Variants in ARHGAP24 observed in about 807,000 individuals in gnomAD.
The protein encoded by ARHGAP24 is rho GTPase-activating protein 24.
ARHGAP24 carries 50 observed loss-of-function variants against 76.4 expected under a neutral mutation model. The observed-to-expected ratio is 0.65, with a 90% CI of 0.52 to 0.83. ARHGAP24 has a LOEUF of 0.83. ARHGAP24 is among the 40% of genes least tolerant of loss of function. The pLI is 0.00. For missense variants in ARHGAP24, 930 were observed against 914.2 expected (o/e 1.02, Z -0.22); for synonymous variants, 345 against 323.3 (o/e 1.07, Z -0.72).
chr4:85,973,830 A>ATTTTTTTTT (rs1578452367), intron 6 of ARHGAP24, among the ~76,000 whole-genome samples: 1 of 36,966 alleles, frequency 2.7e-5, no homozygotes. Flanking sequence ...ACTGCTGCCT[A>ATTTTTTTTT]TTGTTTTTTT....
intron 1 of ARHGAP24, among the ~76,000 whole-genome samples, chr4:85,510,571 T>A (rs1342294902): frequency 6.9e-6 from 1 of 144,108 alleles, no homozygotes; most frequent in Non-Finnish European, 1.5e-5. Flanking sequence ...TCTTTCCTTC[T>A]CCTTCTTCCC....
intron 2 of ARHGAP24, among the ~76,000 whole-genome samples, chr4:85,710,005 GA>G (rs200769655): frequency 0.022 from 3,384 of 152,036 alleles, 51 homozygotes; most frequent in South Asian, 0.057. Flanking sequence ...CTCTGAACTA[GA>G]AAAAAACTAT....
intron 1 of ARHGAP24, among the ~76,000 whole-genome samples, chr4:85,563,303 C>A (rs992788384): frequency 6.6e-6 from 1 of 152,128 alleles, no homozygotes; most frequent in Admixed American, 6.5e-5. Context: ...GTGGCTTAAA[C>A]AACAGAAGTT....
At chr4:85,927,054 G>C (rs568671142) in intron 4 of ARHGAP24, among the ~76,000 whole-genome samples, 1 of 151,738 alleles carries the variant, frequency 6.6e-6, no homozygotes, top group East Asian at 1.9e-4. Context: ...TGATACCATC[G>C]AGCAATTAGA....
chr4:85,737,173 C>A (rs1560608911), intron 3 of ARHGAP24, among the ~76,000 whole-genome samples: 1 of 152,114 alleles, frequency 6.6e-6, no homozygotes, highest in Non-Finnish European at 1.5e-5. Context: ...CCTTCCTTCT[C>A]TAAATGCTGG....
intron 9 of ARHGAP24, among the ~76,000 whole-genome samples, chr4:85,997,936 C>T (rs571517333): frequency 3.4e-4 from 52 of 152,210 alleles, no homozygotes; most frequent in African/African-American, 1.2e-3. Flanking sequence ...GGGTTACAGG[C>T]ATAAGCCATG....
intron 1 of ARHGAP24, among the ~76,000 whole-genome samples, chr4:85,518,152 T>C (rs1724587427): frequency 6.6e-6 from 1 of 152,122 alleles, no homozygotes; most frequent in South Asian, 2.1e-4. Context: ...TGACATTCAG[T>C]ATATCATGAG....
intron 2 of ARHGAP24, among the ~76,000 whole-genome samples, chr4:85,671,836 A>G (rs1192370755): frequency 6.6e-6 from 1 of 152,200 alleles, no homozygotes; most frequent in Non-Finnish European, 1.5e-5. Flanking sequence ...CTACAAATGT[A>G]CTATTGGACA....
chr4:85,988,638 A>T (rs1464492760), intron 8 of ARHGAP24, among the ~76,000 whole-genome samples: 2 of 151,654 alleles, frequency 1.3e-5, no homozygotes, highest in Non-Finnish European at 3.0e-5. Flanking sequence ...GACATAAAAA[A>T]ATAAAAGAGG....
chr4:85,880,519 TTG>T (rs58530817), intron 3 of ARHGAP24, among the ~76,000 whole-genome samples: 4,132 of 150,708 alleles, frequency 0.027, 79 homozygotes, highest in Middle Eastern at 0.038. Flanking sequence ...TGCATAACTT[TTG>T]TGTGTGTGTG....
At chr4:85,648,295 T>C (rs1721803154) in intron 2 of ARHGAP24, among the ~76,000 whole-genome samples, 1 of 152,134 alleles carries the variant, frequency 6.6e-6, no homozygotes, top group African/African-American at 2.4e-5. Context: ...TACTCTAACA[T>C]CTTACTGAAT....
At chr4:85,828,861 G>A (rs1334604026) in intron 3 of ARHGAP24, among the ~76,000 whole-genome samples, 1 of 152,006 alleles carries the variant, frequency 6.6e-6, no homozygotes, top group Non-Finnish European at 1.5e-5. Flanking sequence ...AAATATATAG[G>A]AGGTTTGTAT....
intron 3 of ARHGAP24, among the ~76,000 whole-genome samples, chr4:85,871,349 A>C (rs1254270446): frequency 6.6e-6 from 1 of 152,212 alleles, no homozygotes; most frequent in Admixed American, 6.5e-5. Flanking sequence ...CAAACATCAA[A>C]AAGATCCAGA....
chr4:85,906,560 T>C (rs992919979), intron 3 of ARHGAP24, among the ~76,000 whole-genome samples: 16 of 152,208 alleles, frequency 1.1e-4, no homozygotes, highest in Admixed American at 9.2e-4. Flanking sequence ...GCTAGTTAAA[T>C]TTTGTACTAT....
Position 86,000,681 on chromosome 4 carries a change from C to G in ARHGAP24, c.2206C>G (p.Pro736Ala). ...CACGTTTGGAGAACTGACAGTGGAACCCAGGAGAACCGAGAGAGGAAACAC... is the reference window on the plus strand; with the variant it reads ...CACGTTTGGAGAACTGACAGTGGAAGCCAGGAGAACCGAGAGAGGAAACAC... ...FSTFGELTVE[P>A]RRTERGNTIW... Residue 736 changes from proline to alanine, a missense_variant, in exon 10 of 10, where the codon CCC becomes GCC. Coordinates refer to ENST00000395184, the MANE Select transcript of ARHGAP24 (RefSeq NM_001025616.3). 1 of 1,613,884 alleles carries G rather than the reference C, an allele frequency of 6.2e-7. No individual in the cohort carries two copies.
chr4:85,652,758 G>A (rs987448731), intron 2 of ARHGAP24, among the ~76,000 whole-genome samples: 2 of 152,134 alleles, frequency 1.3e-5, no homozygotes, highest in African/African-American at 4.8e-5. Flanking sequence ...GGCAAGTTGG[G>A]GTGGTATGTG....
At chr4:85,979,848 A>C (rs1303802406) in intron 8 of ARHGAP24, among the ~76,000 whole-genome samples, 1 of 152,194 alleles carries the variant, frequency 6.6e-6, no homozygotes, top group African/African-American at 2.4e-5. Context: ...TATTATTGTG[A>C]ATATTTAAAA....
chr4:85,693,900 G>A (rs1354099048), intron 2 of ARHGAP24, among the ~76,000 whole-genome samples: 3 of 152,168 alleles, frequency 2.0e-5, no homozygotes, highest in Non-Finnish European at 4.4e-5. Flanking sequence ...TACTCTCCAG[G>A]CAGATTTGCC....
intron 2 of ARHGAP24, among the ~76,000 whole-genome samples, chr4:85,639,658 A>T (rs1721450243): frequency 6.6e-6 from 1 of 151,868 alleles, no homozygotes; most frequent in African/African-American, 2.4e-5. Context: ...TTTAAAAACA[A>T]GTCATATTAA....
Sources: gnomAD v4.1 joint callset for allele counts (sites outside exome capture counted in the v4.1 genomes callset) on GRCh38, gnomAD v4.1.1 for gene constraint, MANE v1.5 for transcripts, NCBI Gene and HGNC (gene_info 2026-07-23, HGNC 2026-07-21) for gene names.